The following CSMD1 variants were observed in gnomAD, a reference collection of about 807,000 sequenced individuals.
CSMD1 encodes the protein CUB and sushi domain-containing protein 1.
CSMD1 carries 213 observed loss-of-function variants against 417.5 expected under a neutral mutation model. The ratio of observed to expected loss-of-function variants is 0.51; its 90% CI spans 0.46 to 0.57. The LOEUF (loss-of-function observed/expected upper bound fraction) is 0.57, where lower values mean the gene tolerates loss of function less well. CSMD1 is among the 20% of genes least tolerant of loss of function. The pLI is 0.00. For synonymous variants in CSMD1, 2,862 were observed against 1,736.8 expected, an observed-to-expected ratio of 1.65 and a Z score of -16.11; for missense variants, 6,923 against 4,529.7, an observed-to-expected ratio of 1.53 and a Z score of -15.17.
chr8:3,560,254 T>C (rs1388635694), intron 10 of CSMD1, among the ~76,000 whole-genome samples: 1 of 152,264 alleles, frequency 6.6e-6, no homozygotes, highest in East Asian at 1.9e-4. Flanking sequence ...ATATTAACAG[T>C]AGTACTGTTA....
chr8:3,536,510 G>A (rs1043629906), intron 10 of CSMD1, among the ~76,000 whole-genome samples: 1 of 152,194 alleles, frequency 6.6e-6, no homozygotes, highest in Non-Finnish European at 1.5e-5. Flanking sequence ...TTCCTCTCCA[G>A]GGTATCTTCG....
At chr8:3,414,874 G>A (rs148347756) in intron 12 of CSMD1, among the ~76,000 whole-genome samples, 174 of 152,068 alleles carry the variant, frequency 1.1e-3, no homozygotes, top group Non-Finnish European at 1.9e-3. Context: ...TTCAGTCTGC[G>A]CTTGCTCGGG....
intron 7 of CSMD1, among the ~76,000 whole-genome samples, chr8:3,691,212 C>G (rs1800222459): frequency 6.6e-6 from 1 of 151,784 alleles, no homozygotes; most frequent in Admixed American, 6.6e-5. Flanking sequence ...ACAAAAAATA[C>G]AAAAAATTAG....
At position 4,277,158 on chromosome 8, in the gene CSMD1, C is replaced by G. The variant is rs950991749; in HGVS notation, c.415+142795G>C. On this transcript the variant is annotated intron_variant, in intron 3 of 69. Coordinates refer to ENST00000635120, the MANE Select transcript of CSMD1 (RefSeq NM_033225.6). ...TACTATATAGAGCCATAGTTTAATC[C>G]AACACTATACATACATATTTATATG... is the stretch of plus-strand genomic sequence containing the variant. 2.0e-5 allele frequency among the ~76,000 whole-genome samples: 3 copies of G among 151,360 alleles called. No individual in the cohort carries two copies. In the South Asian group the frequency reaches 6.3e-4, roughly 32 times the overall value.
intron 5 of CSMD1, among the ~76,000 whole-genome samples, chr8:3,937,516 G>A (rs532486815): frequency 3.9e-5 from 6 of 152,062 alleles, no homozygotes; most frequent in Non-Finnish European, 7.4e-5. Context: ...AGGTTTAGAT[G>A]ATTGTACATG....
At position 4,415,346 on chromosome 8, in the gene CSMD1, T is replaced by C. The variant is rs1212816824; in HGVS notation, c.415+4607A>G. Among the ~76,000 whole-genome samples, 3 of 152,284 alleles carry C rather than the reference T, an allele frequency of 2.0e-5. No individual in the cohort carries two copies. The East Asian group carries it at 5.8e-4, about 30-fold the overall frequency. ...TCTATGCTTCTGCAGGGATTCCTCCTTACTCAGGAAGATCCTTCTGTTGTC... is the reference window on the plus strand; with the variant it reads ...TCTATGCTTCTGCAGGGATTCCTCCCTACTCAGGAAGATCCTTCTGTTGTC... On this transcript the variant is annotated intron_variant, in intron 3 of 69. Transcript: ENST00000635120.
chr8:3,035,183 T>C (rs1358290403), intron 50 of CSMD1, among the ~76,000 whole-genome samples: 2 of 152,216 alleles, frequency 1.3e-5, no homozygotes, highest in Non-Finnish European at 1.5e-5. Flanking sequence ...GGCTGTTCCC[T>C]GTACCTGCCA....
chr8:4,188,583 C>G (rs1239019226), intron 3 of CSMD1, among the ~76,000 whole-genome samples: 1 of 152,028 alleles, frequency 6.6e-6, no homozygotes, highest in Non-Finnish European at 1.5e-5. Flanking sequence ...AACTGACGCG[C>G]CCTACAGTTC....
rs141022308 is a variant in CSMD1, at chr8:3,008,900, C to T, written c.8030-8769G>A. 7.3e-3 allele frequency among the ~76,000 whole-genome samples: 1,105 copies of T among 152,226 alleles called. 12 individuals carry two copies. The highest frequency in any genetic ancestry group is 0.025 in the African/African-American group (1,052 of 41,522). The stretch of plus-strand genomic sequence containing the variant: ...CGATTTACCTTCACATCATAACGCA[C>T]GCAGAGTGAACACCTCACATGCAAG... On this transcript the variant is annotated intron_variant, in intron 52 of 69. Transcript: ENST00000635120.
intron 5 of CSMD1, among the ~76,000 whole-genome samples, chr8:3,895,303 T>C (rs1033230625): frequency 2.6e-5 from 4 of 152,174 alleles, no homozygotes; most frequent in African/African-American, 9.7e-5. Context: ...AGTAAACCTA[T>C]CTATGTTTAT....
chr8:4,398,688 C>A (rs1006541128), intron 3 of CSMD1, among the ~76,000 whole-genome samples: 3 of 152,152 alleles, frequency 2.0e-5, no homozygotes, highest in African/African-American at 4.8e-5. Flanking sequence ...AGCCATCACA[C>A]CCGGCCACTC....
intron 3 of CSMD1, among the ~76,000 whole-genome samples, chr8:4,327,549 G>GGA: frequency 6.6e-6 from 1 of 152,180 alleles, no homozygotes; most frequent in South Asian, 2.1e-4. Flanking sequence ...TCCAATGTTG[G>GGA]CTTTCCTGTG....
chr8:4,223,770 T>C (rs919557787), intron 3 of CSMD1, among the ~76,000 whole-genome samples: 2 of 152,230 alleles, frequency 1.3e-5, no homozygotes, highest in Admixed American at 1.3e-4. Flanking sequence ...AAAGGTGACC[T>C]AGTCTGATGC....
intron 1 of CSMD1, among the ~76,000 whole-genome samples, chr8:4,823,370 T>C (rs1408374545): frequency 6.6e-6 from 1 of 152,124 alleles, no homozygotes; most frequent in Non-Finnish European, 1.5e-5. Flanking sequence ...TCTACAAGTA[T>C]GACTTTGAAA....
At chr8:3,289,188 G>A (rs1803371283) in intron 25 of CSMD1, among the ~76,000 whole-genome samples, 1 of 147,408 alleles carries the variant, frequency 6.8e-6, no homozygotes, top group Non-Finnish European at 1.5e-5. Flanking sequence ...AGTATTCCAT[G>A]GTGTATATGT....
intron 2 of CSMD1, among the ~76,000 whole-genome samples, chr8:4,549,057 G>A (rs1797751584): frequency 6.6e-6 from 1 of 152,046 alleles, no homozygotes; most frequent in African/African-American, 2.4e-5. Context: ...TTCATTTAAT[G>A]TTTTTAACTT....
chr8:3,896,082 C>T (rs1187365833), intron 5 of CSMD1, among the ~76,000 whole-genome samples: 1 of 152,208 alleles, frequency 6.6e-6, no homozygotes, highest in African/African-American at 2.4e-5. Flanking sequence ...TTTCCATTTA[C>T]ACCTCTGATG....
intron 39 of CSMD1, among the ~76,000 whole-genome samples, chr8:3,157,486 G>A (rs1314423130): frequency 6.6e-6 from 1 of 152,168 alleles, no homozygotes; most frequent in Non-Finnish European, 1.5e-5. Context: ...CACTCCATCA[G>A]TAATCTGTCA....
intron 3 of CSMD1, among the ~76,000 whole-genome samples, chr8:4,190,664 A>G (rs6989172): frequency 0.75 from 113,422 of 151,620 alleles, 43,162 homozygotes; most frequent in South Asian, 0.86. Flanking sequence ...GAAATCTTTG[A>G]CTATATAACC....
Sources: gnomAD v4.1 joint callset for allele counts (sites outside exome capture counted in the v4.1 genomes callset) on GRCh38, gnomAD v4.1.1 for gene constraint, MANE v1.5 for transcripts, NCBI Gene and HGNC (gene_info 2026-07-23, HGNC 2026-07-21) for gene names.